The following THADA variants were observed in gnomAD, a reference collection of about 807,000 sequenced individuals.
THADA encodes the protein THADA armadillo repeat containing.
Under a neutral mutation model 219.8 loss-of-function variants are expected in THADA, and 213 were observed. That is an observed-to-expected ratio of 0.97 (90% CI 0.87 to 1.09). The LOEUF is 1.09. Among genes scored for constraint, THADA ranks in the 50% least tolerant of loss-of-function variants. THADA has a pLI of 0.00. For synonymous variants in THADA, 1,018 were observed against 828.9 expected (o/e 1.23, Z -3.92); for missense variants, 2,956 against 2,311.3 (o/e 1.28, Z -5.72).
rs553232465 is a variant in THADA at position 43,269,075 on chromosome 2, G to A, written c.5296+10690C>T. Among the ~76,000 whole-genome samples, 31 of 152,324 alleles carry A rather than the reference G, an allele frequency of 2.0e-4. No homozygotes were observed. In the East Asian group the frequency reaches 4.6e-3, roughly 23 times the overall value. The stretch of plus-strand genomic sequence containing the variant: ...GTGATATGGCCTTGCTGAGGAAAGC[G>A]AAAGTTCCTGAGGAAAAGGAAAGCA... On this transcript the variant is annotated intron_variant, in intron 36 of 37. Transcript: ENST00000405975.
At chr2:43,570,825 G>C (rs1435560066) in intron 13 of THADA, among the ~76,000 whole-genome samples, 1 of 99,076 alleles carries the variant, frequency 1.0e-5, no homozygotes, top group African/African-American at 5.4e-5. Context: ...ATTCAAGTTA[G>C]ATTATTTGAT....
intron 29 of THADA, among the ~76,000 whole-genome samples, chr2:43,346,505 C>T (rs1430170523): frequency 1.3e-5 from 2 of 152,066 alleles, no homozygotes; most frequent in Non-Finnish European, 2.9e-5. Flanking sequence ...AAGTTCTGGT[C>T]CCAAAGAATT....
intron 29 of THADA, among the ~76,000 whole-genome samples, chr2:43,345,816 A>G (rs991748463): frequency 1.3e-5 from 2 of 152,222 alleles, no homozygotes; most frequent in Non-Finnish European, 2.9e-5. Context: ...ATTTACTTGT[A>G]AAGAAACCTG....
chr2:43,362,236 C>G (rs978104285), intron 29 of THADA, among the ~76,000 whole-genome samples: 5 of 152,122 alleles, frequency 3.3e-5, no homozygotes, highest in Non-Finnish European at 7.3e-5. Context: ...TCTGGATGTT[C>G]ACATAATGAA....
At chr2:43,572,635 C>T (rs192357774) in intron 12 of THADA, among the ~76,000 whole-genome samples, 179 bp downstream of exon 12, 115 of 152,254 alleles carry the variant, frequency 7.6e-4, no homozygotes, top group Non-Finnish European at 1.5e-3. Flanking sequence ...CTCAACTAAA[C>T]TTTCAGTAGC....
chr2:43,241,590 T>TA (rs748479796), intron 36 of THADA, among the ~76,000 whole-genome samples: 8 of 149,290 alleles, frequency 5.4e-5, no homozygotes, highest in Non-Finnish European at 9.0e-5. Context: ...TCACATGGAT[T>TA]TAAAAAAAAA....
At chr2:43,584,206 T>C (rs1175193089) in intron 7 of THADA, among the ~76,000 whole-genome samples, 1 of 152,010 alleles carries the variant, frequency 6.6e-6, no homozygotes, top group Non-Finnish European at 1.5e-5. Context: ...AAAAAATAAA[T>C]TTTCCTTTCT....
intron 35 of THADA, among the ~76,000 whole-genome samples, chr2:43,286,453 T>C (rs1674016780): frequency 6.6e-6 from 1 of 152,234 alleles, no homozygotes; most frequent in East Asian, 1.9e-4. Flanking sequence ...TAAGAGTGTG[T>C]TGGTGGTCTG....
At chr2:43,560,471 A>G (rs1697927876) in intron 15 of THADA, 86 bp from the exon 16 acceptor site, 1 of 1,016,740 alleles carries the variant, frequency 9.8e-7, no homozygotes, top group Non-Finnish European at 1.4e-6. Flanking sequence ...TTTATAGAAA[A>G]TAAGTACCAA....
At chr2:43,330,397 A>C (rs1679829428) in intron 30 of THADA, among the ~76,000 whole-genome samples, 1 of 152,216 alleles carries the variant, frequency 6.6e-6, no homozygotes, top group African/African-American at 2.4e-5. Flanking sequence ...GCCTCTCTCC[A>C]AGATGCTCCC....
rs1671638342 is a variant in THADA at position 43,378,539 on chromosome 2, G to T, written c.4227+19432C>A. On this transcript the variant is annotated intron_variant, in intron 29 of 37. Transcript: ENST00000405975. ...CCACAAAAACTAGATAATCTACAAA[G>T]GAATGACAATCAAACTGATGATAGC... Among the ~76,000 whole-genome samples the T allele has an allele frequency of 2.0e-5, 3 of 152,102 alleles. No individual in the cohort carries two copies. The South Asian group carries it at 6.2e-4, about 32-fold the overall frequency.
At chr2:43,569,858 C>G (rs538266108) in intron 14 of THADA, among the ~76,000 whole-genome samples, 7 of 152,270 alleles carry the variant, frequency 4.6e-5, no homozygotes, top group Non-Finnish European at 1.0e-4. Context: ...AGCCCTGGCC[C>G]AGACTGGAGC....
At chr2:43,384,216 T>C (rs762904264) in intron 29 of THADA, among the ~76,000 whole-genome samples, 1 of 152,034 alleles carries the variant, frequency 6.6e-6, no homozygotes, top group Non-Finnish European at 1.5e-5. Flanking sequence ...ACAAAGTAAA[T>C]CACACATTTT....
chr2:43,245,418 C>A (rs988649631), intron 36 of THADA, among the ~76,000 whole-genome samples: 5 of 152,244 alleles, frequency 3.3e-5, no homozygotes, highest in Middle Eastern at 3.4e-3. Context: ...GGTGATCCAC[C>A]CGCCTTGGCC....
chr2:43,552,001 T>C (rs1183934106), intron 18 of THADA, 76 bp from the exon 19 acceptor site: 4 of 1,573,736 alleles, frequency 2.5e-6, no homozygotes, highest in African/African-American at 1.4e-5. Context: ...GATAAAAGGA[T>C]TGACTTTGTG....
intron 31 of THADA, among the ~76,000 whole-genome samples, chr2:43,297,191 G>A (rs555457824): frequency 1.2e-5 from 1 of 86,498 alleles, no homozygotes; most frequent in African/African-American, 6.5e-5. Flanking sequence ...CTGCCCCGCC[G>A]CCCCATCTGG....
At chr2:43,429,262 C>A (rs1342134069) in intron 27 of THADA, among the ~76,000 whole-genome samples, 1 of 152,100 alleles carries the variant, frequency 6.6e-6, no homozygotes, top group Non-Finnish European at 1.5e-5. Context: ...TGCGCACCAC[C>A]AGCCTGGCTA....
rs139972459 is a variant in THADA, at chr2:43,287,247, T to C, written c.5011-186A>G. On this transcript the variant is annotated intron_variant, in intron 34 of 37. Transcript: ENST00000405975. ...TATGCCCAAGGAAGAAAATCTGACTTGTCTTTCGGTAAGATGGAGTCACTA... is the reference window on the plus strand; with the variant it reads ...TATGCCCAAGGAAGAAAATCTGACTCGTCTTTCGGTAAGATGGAGTCACTA... Among the ~76,000 whole-genome samples, 85 of 152,300 alleles carry C rather than the reference T, an allele frequency of 5.6e-4. 1 individual carries two copies. The highest frequency in any genetic ancestry group is 5.1e-3 in the Admixed American group (78 of 15,296).
chr2:43,286,369 T>G (rs1055950163), intron 35 of THADA, among the ~76,000 whole-genome samples: 23 of 152,164 alleles, frequency 1.5e-4, no homozygotes, highest in African/African-American at 4.1e-4. Context: ...ACTGAAATTA[T>G]CAGACTTGCA....
Sources: allele counts gnomAD v4.1 joint callset (sites outside exome capture counted in the v4.1 genomes callset), GRCh38; gene constraint gnomAD v4.1.1; transcripts MANE v1.5; gene names NCBI Gene and HGNC (gene_info 2026-07-23, HGNC 2026-07-21).